Variants in ZNF804A observed in about 807,000 individuals in gnomAD.
ZNF804A encodes zinc finger protein 804A.
Under a neutral mutation model 16.5 loss-of-function variants are expected in ZNF804A, and 2 were observed. The ratio of observed to expected loss-of-function variants is 0.12; its 90% CI spans 0.05 to 0.38. ZNF804A has a LOEUF of 0.38. Ranked by LOEUF, ZNF804A falls within the 10% of genes least tolerant of loss-of-function variation. The pLI is 0.99. For synonymous variants in ZNF804A, 534 were observed against 489.6 expected, an observed-to-expected ratio of 1.09 and a Z score of -1.20; for missense variants, 1,473 against 1,390.7, an observed-to-expected ratio of 1.06 and a Z score of -0.94.
At chr2:184,907,984 T>C (rs1163987283) in intron 2 of ZNF804A, among the ~76,000 whole-genome samples, 1 of 152,116 alleles carries the variant, frequency 6.6e-6, no homozygotes, top group Non-Finnish European at 1.5e-5. Context: ...CTATTCTCCT[T>C]CCAAAGCATC....
At chr2:184,757,174 A>G (rs1366250850) in intron 1 of ZNF804A, among the ~76,000 whole-genome samples, 1 of 152,008 alleles carries the variant, frequency 6.6e-6, no homozygotes. Flanking sequence ...TATTGTAAAA[A>G]CAGCTTCCTA....
At position 184,646,864 on chromosome 2, in the gene ZNF804A, C is replaced by T. The variant is rs374107846; in HGVS notation, c.111+47794C>T. Among the ~76,000 whole-genome samples the T allele has an allele frequency of 3.3e-5, 5 of 152,332 alleles. 1 individual carries two copies. Among genetic ancestry groups the T allele is most frequent in the Admixed American group, 1.3e-4 (2 of 15,306 alleles). The stretch of plus-strand genomic sequence containing the variant: ...TTCCTCCTGCCATCAGAGGACCTGT[C>T]GGCAGATTTGCCTGATCCAGCTCTA... On this transcript the variant is annotated intron_variant, in intron 1 of 3. Transcript: ENST00000302277.
intron 1 of ZNF804A, among the ~76,000 whole-genome samples, chr2:184,741,302 C>T (rs1048005682): frequency 1.3e-5 from 2 of 152,176 alleles, no homozygotes; most frequent in African/African-American, 4.8e-5. Flanking sequence ...CTCAGTTGTT[C>T]TCATTCAGTA....
At position 184,916,131 on chromosome 2, in the gene ZNF804A, T is replaced by C. The variant is rs148238521; in HGVS notation, c.256-17472T>C. On this transcript the variant is annotated intron_variant, in intron 2 of 3. Coordinates refer to ENST00000302277, the MANE Select transcript of ZNF804A (RefSeq NM_194250.2). Reference sequence around the variant, plus strand: ...TACAAGGTAAAAATCATACTTAGGTTTTTCAAAAGCTTGCAAAAAATAGTT... The same window carrying C: ...TACAAGGTAAAAATCATACTTAGGTCTTTCAAAAGCTTGCAAAAAATAGTT... Among the ~76,000 whole-genome samples, 907 of 152,184 alleles carry C rather than the reference T, an allele frequency of 6.0e-3. 7 individuals carry two copies. Among genetic ancestry groups the C allele is most frequent in the African/African-American group, 0.018 (761 of 41,522 alleles).
At chr2:184,703,475 G>A (rs1692961296) in intron 1 of ZNF804A, among the ~76,000 whole-genome samples, 1 of 151,880 alleles carries the variant, frequency 6.6e-6, no homozygotes, top group Admixed American at 6.6e-5. Flanking sequence ...GGCCGAGGCG[G>A]GCAGATCATG....
chr2:184,621,625 T>G (rs890712350), intron 1 of ZNF804A, among the ~76,000 whole-genome samples: 1 of 151,726 alleles, frequency 6.6e-6, no homozygotes, highest in Admixed American at 6.6e-5. Flanking sequence ...ATGTCCTTTT[T>G]TTATAGATTG....
chr2:184,849,342 G>T (rs1247712234), intron 1 of ZNF804A, among the ~76,000 whole-genome samples: 1 of 152,080 alleles, frequency 6.6e-6, no homozygotes, highest in Non-Finnish European at 1.5e-5. Flanking sequence ...CAGTCAGAAA[G>T]GTGACAAAAG....
intron 1 of ZNF804A, among the ~76,000 whole-genome samples, chr2:184,825,432 C>A (rs1222666769): frequency 6.6e-6 from 1 of 151,946 alleles, no homozygotes; most frequent in African/African-American, 2.4e-5. Context: ...GTTTTGTTTT[C>A]TTATGCAATG....
chr2:184,611,837 T>C (rs1691244284), intron 1 of ZNF804A, among the ~76,000 whole-genome samples: 1 of 152,200 alleles, frequency 6.6e-6, no homozygotes, highest in Non-Finnish European at 1.5e-5. Flanking sequence ...GTGTTTGCTG[T>C]GTACTTTATT....
intron 2 of ZNF804A, among the ~76,000 whole-genome samples, chr2:184,891,606 C>T (rs925822556): frequency 1.3e-5 from 2 of 152,124 alleles, no homozygotes; most frequent in African/African-American, 4.8e-5. Context: ...TCAGCCTCCA[C>T]TCTACTTGAC....
At chr2:184,636,549 C>CCGTGTG (rs1398653457) in intron 1 of ZNF804A, among the ~76,000 whole-genome samples, 2 of 138,514 alleles carry the variant, frequency 1.4e-5, no homozygotes, top group East Asian at 4.6e-4. Context: ...GGCTCTAGGG[C>CCGTGTG]TGTGTGTGTG....
intron 1 of ZNF804A, among the ~76,000 whole-genome samples, chr2:184,691,833 T>C (rs1692735300): frequency 6.6e-6 from 1 of 151,946 alleles, no homozygotes; most frequent in African/African-American, 2.4e-5. Context: ...TCCAAAACTG[T>C]AAGTGAGAGC....
chr2:184,804,077 G>A (rs1694765225), intron 1 of ZNF804A, among the ~76,000 whole-genome samples: 1 of 152,048 alleles, frequency 6.6e-6, no homozygotes, highest in Non-Finnish European at 1.5e-5. Flanking sequence ...TGTTGGTCAG[G>A]CTGGTCTTGA....
chr2:184,603,268 T>C (rs936471469), intron 1 of ZNF804A, among the ~76,000 whole-genome samples: 1 of 152,162 alleles, frequency 6.6e-6, no homozygotes, highest in Non-Finnish European at 1.5e-5. Context: ...CTAAGGAGCA[T>C]TTTGGGCTGC....
intron 1 of ZNF804A, among the ~76,000 whole-genome samples, chr2:184,749,151 T>C (rs1338607504): frequency 3.3e-5 from 5 of 151,164 alleles, no homozygotes; most frequent in African/African-American, 4.8e-5. Context: ...TATAAGAATC[T>C]GTAAATTGCT....
At chr2:184,883,357 C>G (rs908738295) in intron 2 of ZNF804A, among the ~76,000 whole-genome samples, 1 of 151,994 alleles carries the variant, frequency 6.6e-6, no homozygotes, top group Non-Finnish European at 1.5e-5. Context: ...TAAAGAAGAG[C>G]TGGTACCACT....
chr2:184,853,449 G>T (rs1695636176), intron 1 of ZNF804A, among the ~76,000 whole-genome samples: 1 of 151,816 alleles, frequency 6.6e-6, no homozygotes, highest in Admixed American at 6.6e-5. Flanking sequence ...GTTGTGGTAG[G>T]AATCAGCATT....
At chr2:184,746,259 G>A (rs1693787828) in intron 1 of ZNF804A, among the ~76,000 whole-genome samples, 1 of 151,326 alleles carries the variant, frequency 6.6e-6, no homozygotes, top group South Asian at 2.1e-4. Context: ...TTGCCCTATT[G>A]TGATACGAAG....
chr2:184,932,763 C>T (rs1685722526), intron 2 of ZNF804A, among the ~76,000 whole-genome samples: 1 of 152,070 alleles, frequency 6.6e-6, no homozygotes, highest in African/African-American at 2.4e-5. Context: ...ATATTTGTGG[C>T]ACAAGATAAC....
Sources: allele counts gnomAD v4.1 joint callset (sites outside exome capture counted in the v4.1 genomes callset), GRCh38; gene constraint gnomAD v4.1.1; transcripts MANE v1.5; gene names NCBI Gene and HGNC (gene_info 2026-07-23, HGNC 2026-07-21).